TEK: variants seen among roughly 807,000 people sequenced by gnomAD.
TEK encodes the protein angiopoietin-1 receptor.
Under a neutral mutation model 131.8 loss-of-function variants are expected in TEK, and 43 were observed. That is an observed-to-expected ratio of 0.33 (90% CI 0.26 to 0.42). TEK has a LOEUF of 0.42. TEK is among the 10% of genes least tolerant of loss of function. The pLI, the probability that TEK is intolerant of heterozygous loss-of-function variation, is 1.00. For missense variants in TEK, 1,162 were observed against 1,384.4 expected (o/e 0.84, Z 2.55); for synonymous variants, 580 against 491.6 (o/e 1.18, Z -2.38).
chr9:27,136,207 G>A (rs7045723), intron 1 of TEK, among the ~76,000 whole-genome samples: 22,373 of 151,340 alleles, frequency 0.15, 2,571 homozygotes, highest in African/African-American at 0.31. Flanking sequence ...TCAGCCTCCC[G>A]AGTAGCTGGG....
At position 27,144,771 on chromosome 9, in the gene TEK, C is replaced by G. The variant is rs575562414; in HGVS notation, c.53-13060C>G. Among the ~76,000 whole-genome samples, 6 of 152,262 alleles carry G rather than the reference C, an allele frequency of 3.9e-5. No homozygotes were observed. In the South Asian group the frequency reaches 6.2e-4, roughly 16 times the overall value. ...TACAAGGCTGGAGGGCCTCTGAGCC[C>G]TCTTCCAGTACTGAGCTAAGAATAT... is the stretch of plus-strand genomic sequence containing the variant. On this transcript the variant is annotated intron_variant, in intron 1 of 22. Transcript: ENST00000380036.
intron 15 of TEK, among the ~76,000 whole-genome samples, chr9:27,208,386 C>T (rs968472014): frequency 1.3e-5 from 2 of 151,972 alleles, no homozygotes; most frequent in Non-Finnish European, 2.9e-5. Context: ...TTGTCCCTGA[C>T]TCAAGACTGA....
intron 21 of TEK, among the ~76,000 whole-genome samples, chr9:27,220,754 A>T (rs1391520739): frequency 6.6e-6 from 1 of 152,202 alleles, no homozygotes; most frequent in Non-Finnish European, 1.5e-5. Flanking sequence ...CAGCCCAGAT[A>T]CTAAGCTTTT....
chr9:27,218,830 G>C lies in TEK; in HGVS notation c.3103+13G>C, dbSNP rs767152409. The C allele has an allele frequency of 1.2e-6, 2 of 1,613,676 alleles. No individual in the cohort carries two copies. The highest frequency in any genetic ancestry group is 2.2e-5 in the South Asian group (2 of 91,070). ...ATTGTTAGCTTAGGTGAGTATCTATGTTTATCTACCAGGTGAGACTCTAGG... is the reference window on the plus strand; with the variant it reads ...ATTGTTAGCTTAGGTGAGTATCTATCTTTATCTACCAGGTGAGACTCTAGG... On this transcript the variant is annotated intron_variant, in intron 20 of 22. Transcript: ENST00000380036.
intron 8 of TEK, among the ~76,000 whole-genome samples, chr9:27,184,461 A>ATG (rs1440215403): frequency 6.6e-6 from 1 of 152,150 alleles, no homozygotes; most frequent in Non-Finnish European, 1.5e-5. Flanking sequence ...AGAGGCAGGT[A>ATG]TGAGTGACCT....
chr9:27,187,523 G>A (rs1056222643), intron 9 of TEK, among the ~76,000 whole-genome samples: 5 of 152,136 alleles, frequency 3.3e-5, no homozygotes, highest in Non-Finnish European at 1.5e-5. Flanking sequence ...TGTATTCATA[G>A]TAGCCCCAAA....
At position 27,137,123 on chromosome 9, in the gene TEK, C is replaced by T. The variant is rs554770476; in HGVS notation, c.53-20708C>T. ...AGTAGAGACGGGGTTTCACCATGTT[C>T]CCCAAGATGGTGTCGATCTCTTAAC... is the stretch of plus-strand genomic sequence containing the variant. On this transcript the variant is annotated intron_variant, in intron 1 of 22. Coordinates refer to ENST00000380036, the MANE Select transcript of TEK (RefSeq NM_000459.5). Among the ~76,000 whole-genome samples the T allele has an allele frequency of 2.3e-3, 354 of 152,124 alleles. 2 individuals carry two copies. Among genetic ancestry groups the T allele is most frequent in the African/African-American group, 7.9e-3 (327 of 41,484 alleles).
chr9:27,142,140 T>C (rs1012167591), intron 1 of TEK, among the ~76,000 whole-genome samples: 1 of 151,964 alleles, frequency 6.6e-6, no homozygotes, highest in African/African-American at 2.4e-5. Flanking sequence ...AATGAGGATA[T>C]GAAAAGGAAT....
Position 27,185,307 on chromosome 9 carries a change from C to G in TEK, c.1183-178C>G, listed in dbSNP as rs192180688. On this transcript the variant is annotated intron_variant, in intron 8 of 22. Transcript: ENST00000380036. ...TGACAGGGCATCAATCCAAAATAAA[C>G]TTTCAGGGCTACTACAATAGCTTTG... 1.3e-3 allele frequency among the ~76,000 whole-genome samples: 194 copies of G among 152,254 alleles called. 1 individual carries two copies. In the South Asian group the frequency reaches 0.014, roughly 11 times the overall value.
chr9:27,138,050 G>A (rs7023443), intron 1 of TEK, among the ~76,000 whole-genome samples: 78,117 of 151,516 alleles, frequency 0.52, 21,048 homozygotes, highest in African/African-American at 0.56. Context: ...TAAAGGTGGC[G>A]CATCCAGAGT....
chr9:27,176,208 C>T (rs1215371014), intron 6 of TEK, among the ~76,000 whole-genome samples: 1 of 152,160 alleles, frequency 6.6e-6, no homozygotes, highest in East Asian at 1.9e-4. Context: ...ATAGATTGTA[C>T]ACTGGCAAGT....
rs151286980 is a variant in TEK at position 27,138,161 on chromosome 9, A to C, written c.53-19670A>C. Among the ~76,000 whole-genome samples the C allele has an allele frequency of 6.7e-3, 1,017 of 152,346 alleles. 4 individuals carry two copies. Among genetic ancestry groups the C allele is most frequent in the Middle Eastern group, 0.02 (6 of 294 alleles). On this transcript the variant is annotated intron_variant, in intron 1 of 22. Transcript: ENST00000380036. ...CAGCTCATAAAGGTAGTGCAGACCC[A>C]AAGAGTGAGCAGCAGCAAGATTTAT...
intron 1 of TEK, among the ~76,000 whole-genome samples, chr9:27,128,975 C>T (rs1399582427): frequency 1.3e-5 from 2 of 152,152 alleles, no homozygotes; most frequent in Non-Finnish European, 1.5e-5. Context: ...GTTTCTTTCT[C>T]TTGCCTGATT....
chr9:27,206,021 T>G (rs190095310), intron 14 of TEK, among the ~76,000 whole-genome samples: 11 of 152,286 alleles, frequency 7.2e-5, no homozygotes, highest in African/African-American at 2.6e-4. Flanking sequence ...CAGCAGCTAT[T>G]TGAATTCAGG....
chr9:27,201,654 C>T (rs1178846384), intron 12 of TEK, among the ~76,000 whole-genome samples: 2 of 152,056 alleles, frequency 1.3e-5, no homozygotes, highest in Non-Finnish European at 2.9e-5. Flanking sequence ...TTGCCACAGT[C>T]CCCTAAAGAG....
chr9:27,178,897 G>T (rs1824264597), intron 6 of TEK, among the ~76,000 whole-genome samples: 1 of 152,122 alleles, frequency 6.6e-6, no homozygotes, highest in Non-Finnish European at 1.5e-5. Context: ...AAATTATCTT[G>T]ATTTTTAGTT....
intron 1 of TEK, among the ~76,000 whole-genome samples, chr9:27,129,776 C>T (rs558448251): frequency 3.3e-5 from 5 of 152,282 alleles, no homozygotes; most frequent in South Asian, 4.1e-4. Flanking sequence ...TCATCTTAAA[C>T]GCATGATCCA....
chr9:27,135,880 A>C (rs1430605609), intron 1 of TEK, among the ~76,000 whole-genome samples: 1 of 152,158 alleles, frequency 6.6e-6, no homozygotes, highest in African/African-American at 2.4e-5. Context: ...AAATTCCAAG[A>C]CTAAATGTGC....
intron 1 of TEK, among the ~76,000 whole-genome samples, chr9:27,133,139 C>G (rs536253105): frequency 6.6e-6 from 1 of 152,298 alleles, no homozygotes; most frequent in African/African-American, 2.4e-5. Context: ...ATACTTCCTT[C>G]TTTTCTCCGG....
Sources: allele counts gnomAD v4.1 joint callset (sites outside exome capture counted in the v4.1 genomes callset), GRCh38; gene constraint gnomAD v4.1.1; transcripts MANE v1.5; gene names NCBI Gene and HGNC (gene_info 2026-07-23, HGNC 2026-07-21).